CERKL: variants seen among roughly 807,000 people sequenced by gnomAD.
The protein encoded by CERKL is ceramide kinase-like protein.
A neutral mutation model predicts 63.4 loss-of-function variants in CERKL; 61 were observed. The ratio of observed to expected loss-of-function variants is 0.96; its 90% CI spans 0.78 to 1.19. CERKL has a LOEUF of 1.19. CERKL is among the 50% of genes most tolerant of loss of function. CERKL has a pLI of 0.00. For synonymous variants in CERKL, 250 were observed against 230.5 expected, an observed-to-expected ratio of 1.08 and a Z score of -0.77; for missense variants, 675 against 655.5, an observed-to-expected ratio of 1.03 and a Z score of -0.33.
intron 1 of CERKL, among the ~76,000 whole-genome samples, chr2:181,608,412 G>A (rs755614691): frequency 2.2e-5 from 3 of 135,854 alleles, no homozygotes; most frequent in Non-Finnish European, 3.2e-5. Flanking sequence ...CACAAAGGAA[G>A]GAAGCTGGGG....
At chr2:181,629,658 A>G (rs1686865821) in intron 1 of CERKL, among the ~76,000 whole-genome samples, 1 of 151,866 alleles carries the variant, frequency 6.6e-6, no homozygotes, top group Admixed American at 6.6e-5. Flanking sequence ...TCAGTTATGA[A>G]TTCATACTTT....
intron 1 of CERKL, among the ~76,000 whole-genome samples, chr2:181,609,875 G>A (rs1574495830): frequency 6.6e-6 from 1 of 152,058 alleles, no homozygotes; most frequent in Non-Finnish European, 1.5e-5. Flanking sequence ...AGCGCCGCTA[G>A]AAATAGCAAA....
chr2:181,634,468 T>G (rs1335664752), intron 1 of CERKL, among the ~76,000 whole-genome samples: 1 of 152,144 alleles, frequency 6.6e-6, no homozygotes, highest in Non-Finnish European at 1.5e-5. Flanking sequence ...GCAGCAGTAA[T>G]GACCAGTGGT....
intron 2 of CERKL, among the ~76,000 whole-genome samples, chr2:181,600,677 T>C (rs1388747985): frequency 6.6e-6 from 1 of 152,160 alleles, no homozygotes; most frequent in East Asian, 1.9e-4. Flanking sequence ...TAAATAAATA[T>C]GCACTCAATG....
chr2:181,582,480 A>G (rs968629192), intron 2 of CERKL, among the ~76,000 whole-genome samples: 3 of 151,634 alleles, frequency 2.0e-5, no homozygotes, highest in Non-Finnish European at 4.4e-5. Flanking sequence ...TAAAATAGCT[A>G]GAATATTTTA....
At position 181,657,066 on chromosome 2, in the gene CERKL, G is replaced by T; in HGVS notation, c.-60C>A. The T allele has an allele frequency of 6.9e-7, 1 of 1,444,182 alleles. No homozygotes were observed. The allele number at this position is 1,444,182 out of a possible 1,614,324, so 89.5% of individuals were successfully genotyped here. A position where few individuals can be genotyped will look rare whatever the true frequency, so the allele number is the denominator to read the frequency against. On this transcript the variant is annotated 5_prime_UTR_variant, in exon 1 of 13. Transcript: ENST00000410087. ...CGGGGAGGCCTTTGGAGAAGGAGGT[G>T]GAGGGCGCGGCAGCCCCAGCTCTAG...
chr2:181,547,689 G>T lies in CERKL; in HGVS notation c.1197C>A (p.Phe399Leu). ...NDQWQMIQGQFLNVSIMAIPC... is the reference protein window; with the variant it reads ...NDQWQMIQGQLLNVSIMAIPC... ...GAATTGCCATAATGCTGACATTCAA[G>T]AACTGACCCTGGATCATTTGCCATT... Residue 399 changes from phenylalanine (F) to leucine (L), a missense_variant, in exon 10 of 13, where the codon TTC (phenylalanine) becomes TTA (leucine). Coordinates refer to ENST00000410087, the MANE Select transcript of CERKL (RefSeq NM_201548.5). The T allele has an allele frequency of 6.2e-7, 1 of 1,614,040 alleles. No homozygotes were observed. The highest frequency in any genetic ancestry group is 8.5e-7 in the Non-Finnish European group (1 of 1,179,954).
At chr2:181,614,622 G>A (rs1412955879) in intron 1 of CERKL, among the ~76,000 whole-genome samples, 1 of 152,110 alleles carries the variant, frequency 6.6e-6, no homozygotes, top group Admixed American at 6.6e-5. Flanking sequence ...TAACTACTCT[G>A]ATTCCCATGC....
intron 2 of CERKL, among the ~76,000 whole-genome samples, chr2:181,602,434 G>T (rs554853161): frequency 4.0e-4 from 61 of 152,022 alleles, no homozygotes; most frequent in Non-Finnish European, 6.6e-4. Context: ...CACTGTAAAG[G>T]ATTCACTATT....
At chr2:181,551,367 A>G (rs190786878) in intron 5 of CERKL, among the ~76,000 whole-genome samples, 36 of 152,280 alleles carry the variant, frequency 2.4e-4, no homozygotes, top group African/African-American at 8.4e-4. Flanking sequence ...CCATCATCAG[A>G]GTGAACAGGC....
chr2:181,597,200 TG>T (rs1206631017), intron 2 of CERKL, among the ~76,000 whole-genome samples: 1 of 152,200 alleles, frequency 6.6e-6, no homozygotes, highest in Non-Finnish European at 1.5e-5. Context: ...ATTCTTTTAT[TG>T]AGCAAATTTT....
rs1425797409 is a variant in CERKL at position 181,547,817 on chromosome 2, C to T, written c.1159+5G>A. The T allele has an allele frequency of 6.2e-7, 1 of 1,614,018 alleles. No homozygotes were observed. Among genetic ancestry groups the T allele is most frequent in the Non-Finnish European group, 8.5e-7 (1 of 1,179,980 alleles). ...CAGTTCTCAAGGAGATACTTTTCGACTCACCAGATTTGGGAGATCCCTGTG... is the reference window on the plus strand; with the variant it reads ...CAGTTCTCAAGGAGATACTTTTCGATTCACCAGATTTGGGAGATCCCTGTG... On this transcript the variant is annotated splice_donor_5th_base_variant and intron_variant, in intron 9 of 12. Transcript: ENST00000410087.
intron 4 of CERKL, among the ~76,000 whole-genome samples, chr2:181,559,437 C>A (rs555739732): frequency 2.7e-4 from 41 of 152,222 alleles, no homozygotes; most frequent in African/African-American, 9.9e-4. Context: ...CAAAATGTCA[C>A]CAGTTAACCC....
chr2:181,571,908 G>A (rs966025669), intron 3 of CERKL, among the ~76,000 whole-genome samples: 1 of 152,120 alleles, frequency 6.6e-6, no homozygotes, highest in Admixed American at 6.6e-5. Context: ...AGCATGTTGG[G>A]TCTCTCTTGC....
intron 3 of CERKL, 92 bp from the exon 4 acceptor site, chr2:181,566,213 A>G (rs1475984944): frequency 2.2e-6 from 2 of 921,992 alleles, no homozygotes; most frequent in East Asian, 2.5e-5. Flanking sequence ...TATGATAAAC[A>G]TATGGTCAAG....
At chr2:181,542,215 TC>T in intron 11 of CERKL, among the ~76,000 whole-genome samples, 1 of 152,280 alleles carries the variant, frequency 6.6e-6, no homozygotes, top group Non-Finnish European at 1.5e-5. Context: ...AGGGTAGTGT[TC>T]AGCCTCTATC....
chr2:181,561,010 G>T lies in CERKL; in HGVS notation c.678-2302C>A, dbSNP rs1319012245. On this transcript the variant is annotated intron_variant, in intron 4 of 12. Coordinates refer to ENST00000410087, the MANE Select transcript of CERKL (RefSeq NM_201548.5). Reference sequence around the variant, plus strand: ...GGATCCTCCCCTTTTGGCCATGAAGGTCACAAAGAAAATCTGAAAAACTAT... The same window carrying T: ...GGATCCTCCCCTTTTGGCCATGAAGTTCACAAAGAAAATCTGAAAAACTAT... Among the ~76,000 whole-genome samples the T allele has an allele frequency of 2.0e-5, 3 of 152,242 alleles. No homozygotes were observed. In the East Asian group the frequency reaches 5.8e-4, roughly 29 times the overall value.
chr2:181,555,134 AC>A (rs1688149937), intron 5 of CERKL, among the ~76,000 whole-genome samples: 1 of 152,144 alleles, frequency 6.6e-6, no homozygotes, highest in African/African-American at 2.4e-5. Context: ...CATAAGAATA[AC>A]CACCAGTTTT....
At chr2:181,585,448 T>A (rs1025919480) in intron 2 of CERKL, among the ~76,000 whole-genome samples, 2 of 152,178 alleles carry the variant, frequency 1.3e-5, no homozygotes, top group African/African-American at 4.8e-5. Context: ...TGGTATTTTA[T>A]AAAGGAAGTC....
Sources: allele counts gnomAD v4.1 joint callset (sites outside exome capture counted in the v4.1 genomes callset), GRCh38; gene constraint gnomAD v4.1.1; transcripts MANE v1.5; gene names NCBI Gene and HGNC (gene_info 2026-07-23, HGNC 2026-07-21).